The following GPR161 variants were observed in gnomAD, a reference collection of about 807,000 sequenced individuals.
GPR161 encodes the protein G protein-coupled receptor 161, also known as G-protein coupled receptor RE2.
In GPR161, 25 loss-of-function variants were observed where a neutral mutation model predicts 39.2. The ratio of observed to expected loss-of-function variants is 0.64; its 90% confidence interval spans 0.47 to 0.89. GPR161 has a LOEUF of 0.89. GPR161 is among the 40% of genes least tolerant of loss of function. GPR161 has a pLI of 0.00. For synonymous variants in GPR161, 286 were observed against 276.6 expected, an observed-to-expected ratio of 1.03 and a Z score of -0.34; for missense variants, 547 against 677.8, an observed-to-expected ratio of 0.81 and a Z score of 2.14.
intron 1 of GPR161, among the ~76,000 whole-genome samples, chr1:168,119,304 G>A (rs1028717548): frequency 6.9e-5 from 9 of 131,040 alleles, no homozygotes; most frequent in Non-Finnish European, 1.1e-4. Flanking sequence ...ATATACATAC[G>A]TACATACATA....
At chr1:168,089,761 T>C (rs1694877090) in intron 4 of GPR161, among the ~76,000 whole-genome samples, 1 of 149,866 alleles carries the variant, frequency 6.7e-6, no homozygotes, top group South Asian at 2.1e-4. Context: ...CATGCGCCTC[T>C]GCCCAGGGCC....
At position 168,117,289 on chromosome 1, in the gene GPR161, T is replaced by C. The variant is rs79567615; in HGVS notation, c.-44-12395A>G. Among the ~76,000 whole-genome samples, 475 of 152,360 alleles carry C rather than the reference T, an allele frequency of 3.1e-3. 1 individual carries two copies. The highest frequency in any genetic ancestry group is 0.011 in the African/African-American group (452 of 41,576). The stretch of plus-strand genomic sequence containing the variant: ...ATTATTAACTAATAATGACAGTATT[T>C]GCAAAACGCAGTGCAATATATGACA... On this transcript the variant is annotated intron_variant, in intron 1 of 5. Transcript: ENST00000682931.
intron 2 of GPR161, among the ~76,000 whole-genome samples, chr1:168,103,634 C>T (rs2102168049): frequency 6.6e-6 from 1 of 152,288 alleles, no homozygotes; most frequent in Middle Eastern, 3.4e-3. Flanking sequence ...CACCCAGTGA[C>T]AATATCCCTG....
intron 2 of GPR161, among the ~76,000 whole-genome samples, chr1:168,102,304 A>C (rs1241687747): frequency 6.6e-6 from 1 of 152,150 alleles, no homozygotes; most frequent in Non-Finnish European, 1.5e-5. Flanking sequence ...CTTCTCCCTG[A>C]AGCACTCACT....
Position 168,082,202 on chromosome 1 carries a change from AC to A in GPR161, c.*3328del, listed in dbSNP as rs1694123528. 1 of 152,196 alleles carries A rather than the reference AC, an allele frequency of 6.6e-6. No homozygotes were observed. Among genetic ancestry groups the A allele is most frequent in the Non-Finnish European group, 1.5e-5 (1 of 68,050 alleles). The allele number at this position is 152,196 out of a possible 1,614,324, so 9.4% of individuals were successfully genotyped here. A position where few individuals can be genotyped will look rare whatever the true frequency, so the allele number is the denominator to read the frequency against. On this transcript the variant is annotated 3_prime_UTR_variant, in exon 6 of 6. Transcript: ENST00000682931. ...ATTGGCACTAGATGGCCCTTGTCTT[AC>A]ACTCCTCAACTCTGCTTCTCCAGGA...
At position 168,123,537 on chromosome 1, in the gene GPR161, T is replaced by TACACACACACACAC. The variant is rs10534836; in HGVS notation, c.-45+13188_-45+13201dup. 1.6e-3 allele frequency among the ~76,000 whole-genome samples: 227 copies of TACACACACACACAC among 138,202 alleles called. 1 individual carries two copies. Among genetic ancestry groups the TACACACACACACAC allele is most frequent in the African/African-American group, 5.2e-3 (191 of 36,958 alleles). 90.7% of individuals were successfully genotyped at this position (138,202 alleles called of 152,430 possible). On this transcript the variant is annotated intron_variant, in intron 1 of 5. Coordinates refer to ENST00000682931, the MANE Select transcript of GPR161 (RefSeq NM_001375883.1). Reference sequence around the variant, plus strand: ...ATATAGATATAGATATGCACATACATACACACACACACACACACACACACA... The same window carrying TACACACACACACAC: ...ATATAGATATAGATATGCACATACATACACACACACACACACACACACACACACACACACACACA...
chr1:168,087,658 A>C lies in GPR161; in HGVS notation c.1251T>G (p.Pro417=). The C allele has an allele frequency of 6.2e-7, 1 of 1,613,838 alleles. No individual in the cohort carries two copies. ...TGGGTGGGCAAGTGCAGTGAGAGGG[A>C]GGGTTGTCATCAGACGTGTAGTCCT... The part of the protein sequence containing the change: ...LLEDYTSDDN[P]PSHCTCPPKR... The change falls in exon 5 of 6, where the codon CCT becomes CCG. Residue 417 remains proline, a synonymous_variant. Transcript: ENST00000682931.
intron 1 of GPR161, chr1:168,136,023 T>C: frequency 8.1e-7 from 1 of 1,231,860 alleles, no homozygotes; most frequent in Non-Finnish European, 1.0e-6. Context: ...ACAGACGTTC[T>C]CATCCCATAT....
In GPR161 at chr1:168,085,070, T is replaced by G. The variant is rs1198171941; in HGVS notation, c.*461A>C. 1 of 456,722 alleles carries G rather than the reference T, an allele frequency of 2.2e-6. No individual in the cohort carries two copies. The highest frequency in any genetic ancestry group is 2.3e-5 in the Admixed American group (1 of 42,582). The allele number at this position is 456,722 out of a possible 1,614,324, so 28.3% of individuals were successfully genotyped here. On this transcript the variant is annotated 3_prime_UTR_variant, in exon 6 of 6. Transcript: ENST00000682931. ...ACGGTCGCGTGTCATTAGGAAGAAG[T>G]GCTGTGTCATCCTTCACAGTACACT...
At position 168,084,550 on chromosome 1, in the gene GPR161, C is replaced by T. The variant is rs1694295182; in HGVS notation, c.*981G>A. The T allele has an allele frequency of 8.6e-6, 3 of 350,152 alleles. No homozygotes were observed. The highest frequency in any genetic ancestry group is 6.6e-5 in the South Asian group (3 of 45,434). The allele number at this position is 350,152 out of a possible 1,614,324, so 21.7% of individuals were successfully genotyped here. On this transcript the variant is annotated 3_prime_UTR_variant, in exon 6 of 6. Transcript: ENST00000682931. The stretch of plus-strand genomic sequence containing the variant: ...CTGCTTCTATCTTATTTATACCAGG[C>T]TTGTGATAATAGTAACTGTTGCTCT...
At chr1:168,091,546 T>C (rs1301347379) in intron 3 of GPR161, among the ~76,000 whole-genome samples, 1 of 152,118 alleles carries the variant, frequency 6.6e-6, no homozygotes, top group Non-Finnish European at 1.5e-5. Context: ...CCTGCCTGCA[T>C]CCCACCACCC....
At position 168,084,941 on chromosome 1, in the gene GPR161, T is replaced by C; in HGVS notation, c.*590A>G. 2.2e-6 allele frequency: 1 copy of C among 456,320 alleles called. No homozygotes were observed. The highest frequency in any genetic ancestry group is 1.5e-5 in the South Asian group (1 of 64,578). The allele number at this position is 456,320 out of a possible 1,614,324, so 28.3% of individuals were successfully genotyped here. A position where few individuals can be genotyped will look rare whatever the true frequency, so the allele number is the denominator to read the frequency against. On this transcript the variant is annotated 3_prime_UTR_variant, in exon 6 of 6. Coordinates refer to ENST00000682931, the MANE Select transcript of GPR161 (RefSeq NM_001375883.1). ...TATTAGCACCAGCAGGTGGCGCCAC[T>C]GAGGACCGCTCCGAAGCGCTCTGCT... is the stretch of plus-strand genomic sequence containing the variant.
chr1:168,097,925 C>G (rs1695711005), intron 2 of GPR161, among the ~76,000 whole-genome samples: 1 of 152,208 alleles, frequency 6.6e-6, no homozygotes, highest in Admixed American at 6.5e-5. Context: ...CGATCTGACT[C>G]TACAATCCCC....
At chr1:168,119,231 TA>T (rs1284350757) in intron 1 of GPR161, among the ~76,000 whole-genome samples, 3 of 116,062 alleles carry the variant, frequency 2.6e-5, no homozygotes, top group Non-Finnish European at 5.1e-5. Context: ...TATATACGTA[TA>T]TATATATATA....
At chr1:168,103,924 C>T (rs1382741430) in intron 2 of GPR161, among the ~76,000 whole-genome samples, 2 of 152,254 alleles carry the variant, frequency 1.3e-5, no homozygotes, top group Non-Finnish European at 2.9e-5. Context: ...TGCGCCTGAC[C>T]TCCCCGTGCA....
At chr1:168,093,004 G>A (rs1695212984) in intron 3 of GPR161, among the ~76,000 whole-genome samples, 1 of 152,186 alleles carries the variant, frequency 6.6e-6, no homozygotes, top group African/African-American at 2.4e-5. Flanking sequence ...CCTGGCTGGA[G>A]TGAAGGTTCT....
chr1:168,087,116 G>A (rs1238382230), intron 5 of GPR161, among the ~76,000 whole-genome samples: 1 of 152,138 alleles, frequency 6.6e-6, no homozygotes, highest in Non-Finnish European at 1.5e-5. Context: ...GTAGGGATTG[G>A]GCTGCGGCAG....
At chr1:168,120,403 GTAAC>G (rs1251903734) in intron 1 of GPR161, among the ~76,000 whole-genome samples, 2 of 152,208 alleles carry the variant, frequency 1.3e-5, no homozygotes, top group African/African-American at 2.4e-5. Flanking sequence ...TATTTTGGAA[GTAAC>G]TAACTTGCTT....
intron 2 of GPR161, among the ~76,000 whole-genome samples, chr1:168,099,548 C>T (rs1392758620): frequency 6.6e-6 from 1 of 152,272 alleles, no homozygotes; most frequent in South Asian, 2.1e-4. Flanking sequence ...TCTGGCTCTT[C>T]TCAACACCCA....
Sources: gnomAD v4.1 joint callset for allele counts (sites outside exome capture counted in the v4.1 genomes callset) on GRCh38, gnomAD v4.1.1 for gene constraint, MANE v1.5 for transcripts, NCBI Gene and HGNC (gene_info 2026-07-23, HGNC 2026-07-21) for gene names.